Variants in CCDC150 observed in about 807,000 individuals in gnomAD.
CCDC150 encodes coiled-coil domain-containing protein 150.
CCDC150 carries 151 observed loss-of-function variants against 156.5 expected under a neutral mutation model. That is an observed-to-expected ratio of 0.97 (90% confidence interval 0.85 to 1.10). The LOEUF is 1.10. Among genes scored for constraint, CCDC150 ranks in the 50% least tolerant of loss-of-function variants. The pLI is 0.00. For missense variants in CCDC150, 1,312 were observed against 1,268.1 expected (o/e 1.03, Z -0.53); for synonymous variants, 452 against 429.4 (o/e 1.05, Z -0.65).
At chr2:196,645,454 C>A (rs548726297) in intron 1 of CCDC150, among the ~76,000 whole-genome samples, 1 of 152,308 alleles carries the variant, frequency 6.6e-6, no homozygotes, top group East Asian at 1.9e-4. Context: ...AACACATTCC[C>A]ATACGAACAC....
intron 2 of CCDC150, among the ~76,000 whole-genome samples, chr2:196,651,939 G>C (rs1430880581): frequency 6.6e-6 from 1 of 152,162 alleles, no homozygotes; most frequent in Non-Finnish European, 1.5e-5. Flanking sequence ...CATGGTGAGA[G>C]AGGGAGCAAG....
intron 13 of CCDC150, among the ~76,000 whole-genome samples, chr2:196,683,362 A>C (rs1237622429): frequency 1.3e-5 from 2 of 151,930 alleles, no homozygotes; most frequent in East Asian, 3.9e-4. Context: ...TCCTTGGATA[A>C]ATTTTATTTG....
At position 196,712,657 on chromosome 2, in the gene CCDC150, C is replaced by T. The variant is rs762463204; in HGVS notation, c.1804-20C>T. ...TTTGGCAGTTGTGAGGAACAAGTATCTTTGTTTTTTGAATTAAAGGCAAAC... is the reference window on the plus strand; with the variant it reads ...TTTGGCAGTTGTGAGGAACAAGTATTTTTGTTTTTTGAATTAAAGGCAAAC... On this transcript the variant is annotated intron_variant, in intron 16 of 27. Coordinates refer to ENST00000389175, the MANE Select transcript of CCDC150 (RefSeq NM_001080539.2). 4 of 1,594,900 alleles carry T rather than the reference C, an allele frequency of 2.5e-6. No individual in the cohort carries two copies. The South Asian group carries it at 4.5e-5, about 18-fold the overall frequency.
At chr2:196,706,714 T>G (rs1247833770) in intron 15 of CCDC150, among the ~76,000 whole-genome samples, 2 of 152,244 alleles carry the variant, frequency 1.3e-5, no homozygotes, top group East Asian at 3.8e-4. Flanking sequence ...TTGAGAGTTT[T>G]TAGCAGGAAG....
rs541963485 is a variant in CCDC150, at chr2:196,697,418, G to C, written c.1623+2259G>C. Among the ~76,000 whole-genome samples the C allele has an allele frequency of 5.3e-5, 8 of 152,196 alleles. No individual in the cohort carries two copies. The South Asian group carries it at 1.7e-3, about 32-fold the overall frequency. ...TGAGAAAAGATCCAAATGTAGGAAG[G>C]TTACCATGCCTGAGTTCAGTTTGAA... On this transcript the variant is annotated intron_variant, in intron 14 of 27. Coordinates refer to ENST00000389175, the MANE Select transcript of CCDC150 (RefSeq NM_001080539.2).
chr2:196,651,189 C>A (rs1339127840), intron 2 of CCDC150, among the ~76,000 whole-genome samples: 2 of 152,146 alleles, frequency 1.3e-5, no homozygotes, highest in African/African-American at 2.4e-5. Context: ...TCCCTGCTCC[C>A]ACTATTTATG....
intron 7 of CCDC150, among the ~76,000 whole-genome samples, chr2:196,669,449 T>C (rs1694064147): frequency 6.6e-6 from 1 of 152,226 alleles, no homozygotes; most frequent in African/African-American, 2.4e-5. Context: ...TCTGTGTCTC[T>C]GTTGTCATGA....
chr2:196,678,319 C>A (rs1172254421), intron 13 of CCDC150, among the ~76,000 whole-genome samples: 1 of 152,132 alleles, frequency 6.6e-6, no homozygotes, highest in Non-Finnish European at 1.5e-5. Flanking sequence ...TTCTGGTTTG[C>A]CCAAGTAGCA....
rs566625601 is a variant in CCDC150 at position 196,730,189 on chromosome 2, C to T, written c.2982+71C>T. ...CATGTGCCAAAGCCCAGTAGTTTTG[C>T]ACCTAGACTTTCTAGAGTCTACAGA... On this transcript the variant is annotated intron_variant, in intron 25 of 27. Coordinates refer to ENST00000389175, the MANE Select transcript of CCDC150 (RefSeq NM_001080539.2). 7.3e-6 allele frequency: 10 copies of T among 1,363,352 alleles called. No homozygotes were observed. The East Asian group carries it at 2.1e-4, about 29-fold the overall frequency. The allele number at this position is 1,363,352 out of a possible 1,614,324, so 84.5% of individuals were successfully genotyped here. A position where few individuals can be genotyped will look rare whatever the true frequency, so the allele number is the denominator to read the frequency against.
chr2:196,713,208 T>G, intron 17 of CCDC150: 1 of 1,188,112 alleles, frequency 8.4e-7, no homozygotes, highest in Non-Finnish European at 1.1e-6. Context: ...TGTGATCTCT[T>G]CACTCTGAAA....
At position 196,721,551 on chromosome 2, in the gene CCDC150, A is replaced by T; in HGVS notation, c.2289A>T (p.Val763=). 1 of 1,607,516 alleles carries T rather than the reference A, an allele frequency of 6.2e-7. No homozygotes were observed. Residue 763 remains valine, a synonymous_variant, in exon 21 of 28, where the codon GTA becomes GTT. Transcript: ENST00000389175. Reference sequence around the variant, plus strand: ...AATCTCTACAAAAAGCTCTAGGTGTAGCTAGAGAAGACAACAGGAAACTTG... The same window carrying T: ...AATCTCTACAAAAAGCTCTAGGTGTTGCTAGAGAAGACAACAGGAAACTTG... ...EIESLQKALG[V]AREDNRKLAM...
chr2:196,639,885 G>A, intron 1 of CCDC150, 107 bp downstream of exon 1: 1 of 1,016,822 alleles, frequency 9.8e-7, no homozygotes, highest in Admixed American at 3.2e-5. Flanking sequence ...CTGTCCTGAC[G>A]GAGTCCAGTC....
intron 21 of CCDC150, among the ~76,000 whole-genome samples, chr2:196,724,258 A>G (rs1057356451): frequency 1.3e-5 from 2 of 148,560 alleles, no homozygotes; most frequent in African/African-American, 2.5e-5. Context: ...GGTAGATCTC[A>G]TGTTAAATGT....
intron 10 of CCDC150, among the ~76,000 whole-genome samples, chr2:196,674,660 C>T (rs1021082319): frequency 6.4e-4 from 1 of 1,574 alleles, no homozygotes; most frequent in African/African-American, 9.4e-3. Flanking sequence ...AACACCTTGC[C>T]GATTTCTCCT....
intron 20 of CCDC150, 79 bp from the exon 21 acceptor site, chr2:196,721,443 G>T: frequency 9.3e-7 from 1 of 1,079,028 alleles, no homozygotes; most frequent in East Asian, 2.9e-5. Flanking sequence ...GATAGAATGT[G>T]AGGAGTGATT....
intron 5 of CCDC150, among the ~76,000 whole-genome samples, chr2:196,662,059 C>A (rs75653173): frequency 2.6e-3 from 394 of 152,148 alleles, no homozygotes; most frequent in Admixed American, 3.9e-3. Flanking sequence ...ATATCTTGAA[C>A]AAATTATAGT....
chr2:196,676,932 T>C (rs184770474), intron 12 of CCDC150, among the ~76,000 whole-genome samples: 1 of 152,374 alleles, frequency 6.6e-6, no homozygotes, highest in Non-Finnish European at 1.5e-5. Flanking sequence ...TATATACTTA[T>C]CCGGCGTTAG....
chr2:196,710,284 G>C (rs977638861), intron 15 of CCDC150, among the ~76,000 whole-genome samples: 1 of 152,264 alleles, frequency 6.6e-6, no homozygotes, highest in African/African-American at 2.4e-5. Context: ...GCAAGGCTCC[G>C]TGGGCATAGG....
chr2:196,644,653 A>G (rs182550620), intron 1 of CCDC150, among the ~76,000 whole-genome samples: 94 of 152,288 alleles, frequency 6.2e-4, no homozygotes, highest in African/African-American at 2.2e-3. Context: ...TCCTTCAGGA[A>G]TGAACTGAAA....
Sources: gnomAD v4.1 joint callset for allele counts (sites outside exome capture counted in the v4.1 genomes callset) on GRCh38, gnomAD v4.1.1 for gene constraint, MANE v1.5 for transcripts, NCBI Gene and HGNC (gene_info 2026-07-23, HGNC 2026-07-21) for gene names.